The following ATP13A3 variants were observed in gnomAD, a reference collection of about 807,000 sequenced individuals.
The protein encoded by ATP13A3 is ATPase 13A3, also known as polyamine-transporting ATPase 13A3.
In ATP13A3, 59 loss-of-function variants were observed where a neutral mutation model predicts 158.1. The ratio of observed to expected loss-of-function variants is 0.37; its 90% CI spans 0.30 to 0.46. The LOEUF (loss-of-function observed/expected upper bound fraction) is 0.46, where lower values mean the gene tolerates loss of function less well. Ranked by LOEUF, ATP13A3 falls within the 20% of genes least tolerant of loss-of-function variation. The probability of loss-of-function intolerance (pLI) is 1.00; values close to 1 mark genes in which losing one functional copy is unlikely to be tolerated. For synonymous variants in ATP13A3, 491 were observed against 504.3 expected (o/e 0.97, Z 0.35); for missense variants, 1,166 against 1,525.2 (o/e 0.76, Z 3.92).
At chr3:194,454,561 GC>G (rs1183554343) in intron 8 of ATP13A3, among the ~76,000 whole-genome samples, 169 bp from the exon 9 acceptor site, 2 of 152,234 alleles carry the variant, frequency 1.3e-5, no homozygotes, top group African/African-American at 4.8e-5. Flanking sequence ...GGGCGCGGTG[GC>G]TCACGCCTGT....
rs201291273 is a variant in ATP13A3, at chr3:194,431,905, A to G, written c.2246-13T>C. The G allele has an allele frequency of 7.9e-4, 1,226 of 1,549,954 alleles. 2 individuals carry two copies. Among genetic ancestry groups the G allele is most frequent in the Non-Finnish European group, 9.7e-4 (1,115 of 1,150,708 alleles). ...AACATACTGTCACCTAATTTTCAAA[A>G]TATTTTAAATGTATTGAAATTAAAA... On this transcript the variant is annotated splice_polypyrimidine_tract_variant and intron_variant, in intron 21 of 33. Transcript: ENST00000645319.
At chr3:194,432,827 A>C (rs188214738) in intron 21 of ATP13A3, among the ~76,000 whole-genome samples, 21 of 152,254 alleles carry the variant, frequency 1.4e-4, no homozygotes, top group East Asian at 3.9e-4. Flanking sequence ...AGAAAAAAAA[A>C]CAAAAAACAG....
At chr3:194,476,681 T>C (rs1720537105) in intron 2 of ATP13A3, among the ~76,000 whole-genome samples, 1 of 151,862 alleles carries the variant, frequency 6.6e-6, no homozygotes, top group African/African-American at 2.4e-5. Context: ...ACCATTTCCC[T>C]CTCTACATAA....
intron 3 of ATP13A3, 62 bp from the exon 4 acceptor site, chr3:194,460,893 C>T: frequency 6.6e-6 from 10 of 1,513,808 alleles, no homozygotes; most frequent in South Asian, 1.2e-5. Context: ...GGCAGAGAAA[C>T]ACATTCCAAA....
intron 20 of ATP13A3, 39 bp downstream of exon 20, chr3:194,437,056 G>T (rs762440171): frequency 6.9e-6 from 11 of 1,598,130 alleles, no homozygotes; most frequent in Admixed American, 1.7e-5. Flanking sequence ...AACCATAAAT[G>T]ATGATGACTG....
intron 30 of ATP13A3, chr3:194,420,169 G>A (rs768393646): frequency 8.5e-6 from 3 of 353,298 alleles, no homozygotes; most frequent in African/African-American, 2.2e-5. Context: ...CATACACAAC[G>A]TGATGTTATG....
chr3:194,421,944 CAAAAA>C (rs397972334), intron 30 of ATP13A3, among the ~76,000 whole-genome samples: 2 of 97,492 alleles, frequency 2.1e-5, no homozygotes, highest in Non-Finnish European at 2.1e-5. Flanking sequence ...GTGTCGTTGG[CAAAAA>C]AAAAAAAAAA....
intron 10 of ATP13A3, 107 bp from the exon 11 acceptor site, chr3:194,450,383 T>C (rs1718720495): frequency 1.8e-6 from 2 of 1,101,312 alleles, no homozygotes; most frequent in Non-Finnish European, 2.6e-6. Context: ...AAGTTTATAA[T>C]GGGGTAAAAT....
In ATP13A3 at chr3:194,405,909, T is replaced by C. The variant is rs374940660; in HGVS notation, c.*10A>G. 1.9e-6 allele frequency: 3 copies of C among 1,612,554 alleles called. No individual in the cohort carries two copies. The East Asian group carries it at 6.7e-5, about 36-fold the overall frequency. ...CTGCTATCAGCAATACCACTGAGACTGATTCACTGCTATGTTATGGTGATG... is the reference window on the plus strand; with the variant it reads ...CTGCTATCAGCAATACCACTGAGACCGATTCACTGCTATGTTATGGTGATG... On this transcript the variant is annotated 3_prime_UTR_variant, in exon 34 of 34. Coordinates refer to ENST00000645319, the MANE Select transcript of ATP13A3 (RefSeq NM_001367549.1).
chr3:194,422,626 G>A lies in ATP13A3; in HGVS notation c.3314-2659C>T, dbSNP rs147306600. ...GTTATTATGAAATATTTTTCAGCTT[G>A]TGGCAACATATGATGTGCTGTTCAT... On this transcript the variant is annotated intron_variant, in intron 30 of 33. Coordinates refer to ENST00000645319, the MANE Select transcript of ATP13A3 (RefSeq NM_001367549.1). Among the ~76,000 whole-genome samples, 981 of 152,168 alleles carry A rather than the reference G, an allele frequency of 6.4e-3. 3 individuals carry two copies. Among genetic ancestry groups the A allele is most frequent in the Middle Eastern group, 0.024 (7 of 294 alleles).
upstream of ATP13A3, chr3:194,488,053 G>A (rs973162595): frequency 2.6e-5 from 4 of 152,300 alleles, no homozygotes; most frequent in East Asian, 5.8e-4. This position sits in a 1 kb window ranked among gnomAD's most constrained non-coding sequence, Gnocchi z 4.1. Context: ...CGGGCAGGAG[G>A]GCGCCACAGC....
At chr3:194,474,510 A>AT (rs1720441390) in intron 2 of ATP13A3, among the ~76,000 whole-genome samples, 1 of 152,208 alleles carries the variant, frequency 6.6e-6, no homozygotes, top group Non-Finnish European at 1.5e-5. Flanking sequence ...AAGAGTTTCA[A>AT]TAACAGCTTG....
intron 14 of ATP13A3, among the ~76,000 whole-genome samples, chr3:194,445,706 T>C (rs1021153748): frequency 6.6e-6 from 1 of 152,210 alleles, no homozygotes; most frequent in Non-Finnish European, 1.5e-5. Context: ...TAACAGAACA[T>C]GTTTCCCATT....
chr3:194,439,593 T>C (rs1414169120), intron 16 of ATP13A3, among the ~76,000 whole-genome samples: 1 of 152,224 alleles, frequency 6.6e-6, no homozygotes, highest in Non-Finnish European at 1.5e-5. Context: ...CTGTGAAAAA[T>C]TAGCCAATTT....
At chr3:194,462,650 G>C (rs919870681) in intron 2 of ATP13A3, among the ~76,000 whole-genome samples, 1 of 152,194 alleles carries the variant, frequency 6.6e-6, no homozygotes, top group Admixed American at 6.5e-5. Flanking sequence ...TACCATCGAA[G>C]TGTTCTTTTA....
In ATP13A3 at chr3:194,404,225, C is replaced by T. The variant is rs1444193411; in HGVS notation, c.*1694G>A. 4.9e-6 allele frequency: 2 copies of T among 407,792 alleles called. No individual in the cohort carries two copies. The highest frequency in any genetic ancestry group is 9.5e-6 in the Non-Finnish European group (2 of 210,300). The allele number at this position is 407,792 out of a possible 1,614,324, so 25.3% of individuals were successfully genotyped here. On this transcript the variant is annotated 3_prime_UTR_variant, in exon 34 of 34. Coordinates refer to ENST00000645319, the MANE Select transcript of ATP13A3 (RefSeq NM_001367549.1). ...TCATTCATGGAACAACTGTTATCAT[C>T]TAATGTGTATTAATAGCATATTATA... is the stretch of plus-strand genomic sequence containing the variant.
intron 2 of ATP13A3, among the ~76,000 whole-genome samples, chr3:194,465,898 C>G (rs2108997565): frequency 6.6e-6 from 1 of 152,004 alleles, no homozygotes; most frequent in East Asian, 1.9e-4. Context: ...AGGAGAATCG[C>G]TTGAATCCCA....
intron 27 of ATP13A3, 68 bp downstream of exon 27, chr3:194,429,610 C>CA: frequency 8.1e-7 from 1 of 1,233,818 alleles, no homozygotes; most frequent in Non-Finnish European, 1.1e-6. Context: ...AAATCAAACA[C>CA]ATACGCTCAA....
At chr3:194,457,235 C>A in intron 6 of ATP13A3, 61 bp from the exon 7 acceptor site, 1 of 1,289,636 alleles carries the variant, frequency 7.8e-7, no homozygotes, top group South Asian at 1.2e-5. Flanking sequence ...TTCTTAACGC[C>A]TCATTTTTCT....
Sources: allele counts gnomAD v4.1 joint callset (sites outside exome capture counted in the v4.1 genomes callset), GRCh38; gene constraint gnomAD v4.1.1; non-coding constraint Gnocchi (gnomAD v3.1); transcripts MANE v1.5; gene names NCBI Gene and HGNC (gene_info 2026-07-23, HGNC 2026-07-21).